SHROOM4: variants seen among roughly 807,000 people sequenced by gnomAD.
SHROOM4 encodes protein Shroom4.
In SHROOM4, 17 loss-of-function variants were observed where a neutral mutation model predicts 80.3. That is an observed-to-expected ratio of 0.21 (90% CI 0.14 to 0.32). SHROOM4 has a LOEUF of 0.32. SHROOM4 is among the 10% of genes least tolerant of loss of function. SHROOM4 has a pLI of 1.00. For missense variants in SHROOM4, 993 were observed against 1,140.3 expected, an observed-to-expected ratio of 0.87 and a Z score of 1.86; for synonymous variants, 400 against 437.5, an observed-to-expected ratio of 0.91 and a Z score of 1.07.
intron 1 of SHROOM4, among the ~76,000 whole-genome samples, chrX:50,782,543 T>A (rs782190599): frequency 9.0e-6 from 1 of 111,713 alleles, no homozygotes; most frequent in South Asian, 3.8e-4. Context: ...TCCATATTAT[T>A]GATAAGGAAA....
downstream of SHROOM4, among the ~76,000 whole-genome samples, chrX:50,586,656 A>G (rs1194224968): frequency 2.7e-5 from 3 of 111,951 alleles, no homozygotes; most frequent in Admixed American, 2.8e-4. Context: ...TGTGACATGA[A>G]TTGATTTTCT....
chrX:50,777,271 T>C (rs1557270218), intron 1 of SHROOM4, among the ~76,000 whole-genome samples: 2 of 111,719 alleles, frequency 1.8e-5, no homozygotes, highest in African/African-American at 6.5e-5. Context: ...GACAATGAGA[T>C]GCTTAGGTAA....
chrX:50,723,393 G>GGAGAGA (rs782457909), intron 1 of SHROOM4, among the ~76,000 whole-genome samples: 5,505 of 54,329 alleles, frequency 0.1, 384 homozygotes, highest in Non-Finnish European at 0.11. Context: ...AGCAAGGGAG[G>GGAGAGA]GAGAGAGAGA....
At chrX:50,673,961 T>C (rs113850232) in intron 2 of SHROOM4, among the ~76,000 whole-genome samples, 4,270 of 107,785 alleles carry the variant, frequency 0.04, 228 homozygotes, top group African/African-American at 0.14. Context: ...ATACAAATAA[T>C]AGACATGTGA....
chrX:50,697,108 A>C (rs892770259), intron 1 of SHROOM4, among the ~76,000 whole-genome samples: 1 of 111,627 alleles, frequency 9.0e-6, no homozygotes, highest in Admixed American at 9.5e-5. Context: ...AAAAATGAAC[A>C]AGGCTCCTAA....
intron 1 of SHROOM4, among the ~76,000 whole-genome samples, chrX:50,698,086 T>TA (rs1557263229): frequency 8.9e-6 from 1 of 112,594 alleles, no homozygotes; most frequent in African/African-American, 3.2e-5. Context: ...CCATAGCAAG[T>TA]CTTCCCCTCA....
chrX:50,738,014 C>T (rs1364821835), intron 1 of SHROOM4, among the ~76,000 whole-genome samples: 1 of 111,580 alleles, frequency 9.0e-6, no homozygotes, highest in Non-Finnish European at 1.9e-5. Context: ...GGATGCAAGG[C>T]TGGTTCAGTA....
chrX:50,813,918 G>A lies in SHROOM4; in HGVS notation c.101C>T (p.Pro34Leu), dbSNP rs782579658. The A allele has an allele frequency of 3.4e-6, 4 of 1,189,699 alleles. No individual in the cohort carries two copies. Among genetic ancestry groups the A allele is most frequent in the Non-Finnish European group, 4.6e-6 (4 of 878,369 alleles). The change falls in exon 1 of 9, where the codon CCG (proline) becomes CTG (leucine). Residue 34 changes from proline (P) to leucine (L), a missense_variant. Coordinates refer to ENST00000376020, the MANE Select transcript of SHROOM4 (RefSeq NM_020717.5). ...AGTTCTTACCTTAGACACTGTGAGC[G>A]GCTCACAGTGTTCCAGACCCCCCTT... Reference protein sequence around the residue: ...TLKGGLEHCEPLTVSKIEDGG... With the variant: ...TLKGGLEHCELLTVSKIEDGG...
At chrX:50,652,537 T>A (rs1189225032) in intron 2 of SHROOM4, among the ~76,000 whole-genome samples, 1 of 112,075 alleles carries the variant, frequency 8.9e-6, no homozygotes, top group African/African-American at 3.2e-5. Context: ...TTCACTCTGA[T>A]GATAGTTTCT....
chrX:50,764,399 T>G (rs1935226296), intron 1 of SHROOM4, among the ~76,000 whole-genome samples: 1 of 91,712 alleles, frequency 1.1e-5, no homozygotes, highest in Non-Finnish European at 1.9e-5. Flanking sequence ...ACACTGCGAG[T>G]GGGGGGAAAA....
chrX:50,746,049 G>A (rs1300794272), intron 1 of SHROOM4, among the ~76,000 whole-genome samples: 2 of 111,319 alleles, frequency 1.8e-5, no homozygotes, highest in African/African-American at 6.5e-5. Flanking sequence ...CTATGTACTA[G>A]GTGTTATATA....
At chrX:50,801,290 G>GAGAGAGAGAGAA (rs1228065329) in intron 1 of SHROOM4, among the ~76,000 whole-genome samples, 1 of 106,730 alleles carries the variant, frequency 9.4e-6, no homozygotes, top group Non-Finnish European at 1.9e-5. Flanking sequence ...GAGAGAGAGA[G>GAGAGAGAGAGAA]AACACGTACT....
rs1557246771 is a variant in SHROOM4 at position 50,596,839 on chromosome X, G to A, written c.4338C>T (p.Asp1446=). ...FGMVSRYLPQ[D]QLQDYQHFVK... Reference sequence around the variant, plus strand: ...CAAAGTGCTGGTAATCTTGGAGCTGGTCCTGAGGCAGGTAGCGGGAGACCA... The same window carrying A: ...CAAAGTGCTGGTAATCTTGGAGCTGATCCTGAGGCAGGTAGCGGGAGACCA... The change falls in exon 9 of 9, where the codon GAC becomes GAT. Residue 1446 remains aspartate (D), a synonymous_variant. Coordinates refer to ENST00000376020, the MANE Select transcript of SHROOM4 (RefSeq NM_020717.5). 1 of 1,211,246 alleles carries A rather than the reference G, an allele frequency of 8.3e-7. No individual in the cohort carries two copies. Among genetic ancestry groups the A allele is most frequent in the South Asian group, 1.8e-5 (1 of 56,828 alleles).
At chrX:50,694,543 A>ATTTGTTTTT (rs1933314716) in intron 2 of SHROOM4, among the ~76,000 whole-genome samples, 1 of 12,493 alleles carries the variant, frequency 8.0e-5, no homozygotes, top group Non-Finnish European at 1.3e-4. Flanking sequence ...TTTAAGTTGG[A>ATTTGTTTTT]TTTTTTTTTT....
chrX:50,725,257 T>C (rs782529168), intron 1 of SHROOM4, among the ~76,000 whole-genome samples: 3 of 112,083 alleles, frequency 2.7e-5, no homozygotes, highest in Non-Finnish European at 3.8e-5. Flanking sequence ...GTTATGAAAA[T>C]GCTGCTCTAG....
chrX:50,668,462 A>G (rs1448047917), intron 2 of SHROOM4, among the ~76,000 whole-genome samples: 4 of 111,809 alleles, frequency 3.6e-5, no homozygotes, highest in African/African-American at 1.3e-4. Flanking sequence ...TATGGCAGCA[A>G]CCCCCATCAC....
chrX:50,753,829 A>G (rs1271428872), intron 1 of SHROOM4, among the ~76,000 whole-genome samples: 1 of 111,802 alleles, frequency 8.9e-6, no homozygotes, highest in African/African-American at 3.2e-5. Context: ...ATGTTTATGA[A>G]TTTTGTCATA....
At chrX:50,723,360 A>G (rs868906470) in intron 1 of SHROOM4, among the ~76,000 whole-genome samples, 1 of 30,533 alleles carries the variant, frequency 3.3e-5, no homozygotes, top group Non-Finnish European at 5.7e-5. Flanking sequence ...CAGGGAGGGA[A>G]GGAAGGAGGG....
chrX:50,784,662 A>C lies in SHROOM4; in HGVS notation c.117+29240T>G, dbSNP rs1015377803. 2.7e-5 allele frequency among the ~76,000 whole-genome samples: 3 copies of C among 112,493 alleles called. No homozygotes were observed. The East Asian group carries it at 8.3e-4, about 31-fold the overall frequency. On this transcript the variant is annotated intron_variant, in intron 1 of 8. Transcript: ENST00000376020. ...CAAGAGCTAAAGTTATATAACTTCT[A>C]GAAGAAAATATAAAAGAAAAATCAT...
Sources: gnomAD v4.1 joint callset for allele counts (sites outside exome capture counted in the v4.1 genomes callset) on GRCh38, gnomAD v4.1.1 for gene constraint, MANE v1.5 for transcripts, NCBI Gene and HGNC (gene_info 2026-07-23, HGNC 2026-07-21) for gene names.